The following USP2 variants were observed in gnomAD, a reference collection of about 807,000 sequenced individuals.
The protein encoded by USP2 is ubiquitin specific peptidase 2, also known as ubiquitin carboxyl-terminal hydrolase 2.
A neutral mutation model predicts 72.0 loss-of-function variants in USP2; 33 were observed. That is an observed-to-expected ratio of 0.46 (90% CI 0.35 to 0.61). The LOEUF is 0.61. USP2 is among the 20% of genes least tolerant of loss of function. USP2 has a pLI of 0.01. For synonymous variants in USP2, 296 were observed against 312.5 expected (o/e 0.95, Z 0.56); for missense variants, 691 against 797.8 (o/e 0.87, Z 1.61).
chr11:119,372,071 C>T (rs1950935276), intron 2 of USP2, among the ~76,000 whole-genome samples: 1 of 152,208 alleles, frequency 6.6e-6, no homozygotes, highest in Non-Finnish European at 1.5e-5. Flanking sequence ...TCCCTCATTC[C>T]AGCTGAGGCA....
chr11:119,363,910 G>C, intron 2 of USP2: 1 of 1,345,922 alleles, frequency 7.4e-7, no homozygotes, highest in South Asian at 1.9e-5. Context: ...GGAGAGAGGG[G>C]AGCGCGGCCG....
In USP2 at chr11:119,359,377, A is replaced by G. The variant is rs568437774; in HGVS notation, c.950-35T>C. 10 of 1,592,896 alleles carry G rather than the reference A, an allele frequency of 6.3e-6. No individual in the cohort carries two copies. In the South Asian group the frequency reaches 7.9e-5, roughly 13 times the overall value. ...GGAGAGAGTGTACAGGACAGCTGAG[A>G]TATTTTCTATAAGAAACTCTGAAAC... is the stretch of plus-strand genomic sequence containing the variant. On this transcript the variant is annotated intron_variant, in intron 4 of 12. Coordinates refer to ENST00000260187, the MANE Select transcript of USP2 (RefSeq NM_004205.5).
In USP2 at chr11:119,358,010, C is replaced by T; in HGVS notation, c.1393G>A (p.Glu465Lys). ...TTTTCATCTCCATCAAGCACATCCTCTTTGGTGAAGAGCCTCATGCAGTCC... is the reference window on the plus strand; with the variant it reads ...TTTTCATCTCCATCAAGCACATCCTTTTTGGTGAAGAGCCTCATGCAGTCC... ...LMDCMRLFTK[E>K]DVLDGDEKPT... Residue 465 changes from glutamate to lysine, a missense_variant, in exon 9 of 13, where the codon GAG becomes AAG. Glu to Lys is a moderately conservative substitution (Grantham distance 56). Coordinates refer to ENST00000260187, the MANE Select transcript of USP2 (RefSeq NM_004205.5). 6.2e-7 allele frequency: 1 copy of T among 1,614,208 alleles called. No individual in the cohort carries two copies. The highest frequency in any genetic ancestry group is 1.1e-5 in the South Asian group (1 of 91,084).
At chr11:119,359,780 T>C in intron 3 of USP2, 120 bp from the exon 4 acceptor site, 1 of 1,371,174 alleles carries the variant, frequency 7.3e-7, no homozygotes, top group African/African-American at 1.4e-5. Flanking sequence ...GGCTATCCTT[T>C]CATAGCCTCA....
chr11:119,356,817 G>T lies in USP2; in HGVS notation c.*18C>A. On this transcript the variant is annotated 3_prime_UTR_variant, in exon 13 of 13. Transcript: ENST00000260187. The stretch of plus-strand genomic sequence containing the variant: ...CGGGGCCACCACGGGGAAGGGAGAA[G>T]GGACGTGGCTCCTGGCGCTACATTC... 6.4e-7 allele frequency: 1 copy of T among 1,551,630 alleles called. No homozygotes were observed. Among genetic ancestry groups the T allele is most frequent in the Non-Finnish European group, 8.7e-7 (1 of 1,147,450 alleles).
In USP2 at chr11:119,369,112, A is replaced by G. The variant is rs535070080; in HGVS notation, c.774+3595T>C. ...TTGGAGTCCCCACTTGGGTTAGTGA[A>G]CACTTTTTTTCCACCATCACTGTTC... On this transcript the variant is annotated intron_variant, in intron 2 of 12. Coordinates refer to ENST00000260187, the MANE Select transcript of USP2 (RefSeq NM_004205.5). Among the ~76,000 whole-genome samples, 18 of 152,250 alleles carry G rather than the reference A, an allele frequency of 1.2e-4. No homozygotes were observed. In the East Asian group the frequency reaches 3.5e-3, roughly 29 times the overall value.
chr11:119,363,679 G>C (rs1049655076), intron 2 of USP2, among the ~76,000 whole-genome samples: 1 of 151,276 alleles, frequency 6.6e-6, no homozygotes, highest in Non-Finnish European at 1.5e-5. Context: ...ACGAGTAAGC[G>C]TGCGATCACC....
Position 119,359,096 on chromosome 11 carries a change from T to C in USP2, c.1100A>G (p.Asp367Gly), listed in dbSNP as rs1269727190. ...DAQEFLRFLL[D>G]GLHNEVNRVT... is the part of the protein sequence containing the mutation. ...TCGGTTCACCTCGTTATGGAGCCCA[T>C]CCAGAAGAAAGCGAAGGAACTCCTG... is the stretch of plus-strand genomic sequence containing the variant. Residue 367 changes from aspartate to glycine, a missense_variant, in exon 6 of 13, where the codon GAT becomes GGT. Transcript: ENST00000260187. 1 of 1,613,910 alleles carries C rather than the reference T, an allele frequency of 6.2e-7. No individual in the cohort carries two copies. Among genetic ancestry groups the C allele is most frequent in the African/African-American group, 1.3e-5 (1 of 74,912 alleles).
intron 7 of USP2, among the ~76,000 whole-genome samples, 158 bp from the exon 8 acceptor site, chr11:119,358,410 G>A (rs572694247): frequency 5.3e-5 from 8 of 152,194 alleles, no homozygotes; most frequent in African/African-American, 1.9e-4. Context: ...TCTGCCTCCT[G>A]GGTTCAGTGA....
intron 7 of USP2, 70 bp from the exon 8 acceptor site, chr11:119,358,322 TA>T (rs1950707120): frequency 1.4e-6 from 2 of 1,389,544 alleles, no homozygotes; most frequent in Non-Finnish European, 1.9e-6. Context: ...CAGCAGCTTT[TA>T]TTTTTTTTTT....
Position 119,359,527 on chromosome 11 carries a change from G to T in USP2, c.949+10C>A. On this transcript the variant is annotated intron_variant, in intron 4 of 12. Transcript: ENST00000260187. ...GGGTAGGCAGGGGCACATGACAGAGGGCCTCTCACCTTCCACGAGGGCTGT... is the reference window on the plus strand; with the variant it reads ...GGGTAGGCAGGGGCACATGACAGAGTGCCTCTCACCTTCCACGAGGGCTGT... 6.2e-7 allele frequency: 1 copy of T among 1,613,524 alleles called. No homozygotes were observed. The highest frequency in any genetic ancestry group is 2.2e-5 in the East Asian group (1 of 44,856).
chr11:119,359,581 C>T lies in USP2; in HGVS notation c.905G>A (p.Arg302Gln), dbSNP rs774432636. ...RDYCLQRLYM[R>Q]DLHHGSNAHT... ...TGCATTGCTGCCGTGGTGCAGGTCC[C>T]GCATGTAGAGCCTCTGGAGGCAGTA... The change falls in exon 4 of 13, where the codon CGG (arginine) becomes CAG (glutamine). Residue 302 changes from arginine to glutamine, a missense_variant. Arg to Gln is a conservative substitution (Grantham distance 43, BLOSUM62 1). Transcript: ENST00000260187. The T allele has an allele frequency of 8.7e-6, 14 of 1,613,830 alleles. No individual in the cohort carries two copies. Among genetic ancestry groups the T allele is most frequent in the Admixed American group, 3.3e-5 (2 of 59,976 alleles).
At chr11:119,359,782 A>G (rs1950733954) in intron 3 of USP2, 122 bp from the exon 4 acceptor site, 4 of 1,377,328 alleles carry the variant, frequency 2.9e-6, no homozygotes, top group Non-Finnish European at 3.9e-6. Flanking sequence ...CTATCCTTTC[A>G]TAGCCTCAAG....
rs1950806355 is a variant in USP2 at position 119,363,864 on chromosome 11, C to T, written c.775-3630G>A. On this transcript the variant is annotated intron_variant, in intron 2 of 12. Transcript: ENST00000260187. ...GCCCGCGTACCTTGGCTTTGTTGAGCAGGAGCCCCACGAAGGTGGAGAGCA... is the reference window on the plus strand; with the variant it reads ...GCCCGCGTACCTTGGCTTTGTTGAGTAGGAGCCCCACGAAGGTGGAGAGCA... The T allele has an allele frequency of 2.1e-6, 3 of 1,415,592 alleles. No individual in the cohort carries two copies. The South Asian group carries it at 4.4e-5, about 21-fold the overall frequency. The allele number at this position is 1,415,592 out of a possible 1,614,324, so 87.7% of individuals were successfully genotyped here.
intron 1 of USP2, 101 bp downstream of exon 1, chr11:119,381,372 T>C: frequency 1.6e-6 from 2 of 1,266,242 alleles, no homozygotes; most frequent in Non-Finnish European, 2.2e-6. Context: ...ATTTCTAGTG[T>C]CCACTCTGCC....
In USP2 at chr11:119,381,668, C is replaced by T; in HGVS notation, c.-237G>A. 1 of 998,886 alleles carries T rather than the reference C, an allele frequency of 1.0e-6. No homozygotes were observed. The highest frequency in any genetic ancestry group is 2.6e-5 in the East Asian group (1 of 38,260). The allele number at this position is 998,886 out of a possible 1,614,324, so 61.9% of individuals were successfully genotyped here. On this transcript the variant is annotated 5_prime_UTR_variant, in exon 1 of 13. Transcript: ENST00000260187. The stretch of plus-strand genomic sequence containing the variant: ...TCCCCGGGAAATCGGCGCCACCCAG[C>T]GGGCAGCCGCCTCATCGCGCCTGGG...
intron 1 of USP2, among the ~76,000 whole-genome samples, chr11:119,374,412 G>C (rs914564172): frequency 6.6e-6 from 1 of 152,168 alleles, no homozygotes; most frequent in Non-Finnish European, 1.5e-5. Context: ...AGCTGGGGAG[G>C]GTCTAGTGAA....
rs1950654226 is a variant in USP2 at position 119,356,514 on chromosome 11, C to T, written c.*321G>A. 2 of 249,988 alleles carry T rather than the reference C, an allele frequency of 8.0e-6. No homozygotes were observed. Among genetic ancestry groups the T allele is most frequent in the African/African-American group, 2.3e-5 (1 of 44,366 alleles). 15.5% of individuals were successfully genotyped at this position (249,988 alleles called of 1,614,324 possible). On this transcript the variant is annotated 3_prime_UTR_variant, in exon 13 of 13. Transcript: ENST00000260187. Reference sequence around the variant, plus strand: ...GCGCGGGCGCTGCGGCGGGAAGCGGCGCAGCGAGGGTCTTCCCCCCCAAGA... The same window carrying T: ...GCGCGGGCGCTGCGGCGGGAAGCGGTGCAGCGAGGGTCTTCCCCCCCAAGA...
rs529009270 is a variant in USP2 at position 119,368,228 on chromosome 11, C to G, written c.774+4479G>C. ...CCTTCTCATGCTGCCAACACAGATT[C>G]ATGACCTCAGGAAGTTCAACCTCCT... On this transcript the variant is annotated intron_variant, in intron 2 of 12. Transcript: ENST00000260187. Among the ~76,000 whole-genome samples the G allele has an allele frequency of 1.2e-4, 19 of 152,352 alleles. No homozygotes were observed. In the South Asian group the frequency reaches 2.5e-3, roughly 20 times the overall value.
Sources: allele counts gnomAD v4.1 joint callset (sites outside exome capture counted in the v4.1 genomes callset), GRCh38; gene constraint gnomAD v4.1.1; transcripts MANE v1.5; gene names NCBI Gene and HGNC (gene_info 2026-07-23, HGNC 2026-07-21).